AP3S1: variants seen among roughly 807,000 people sequenced by gnomAD.
AP3S1 encodes the protein adaptor related protein complex 3 subunit sigma 1.
AP3S1 carries 12 observed loss-of-function variants against 21.3 expected under a neutral mutation model. That is an observed-to-expected ratio of 0.56 (90% CI 0.36 to 0.91). The LOEUF is 0.91. Among genes scored for constraint, AP3S1 ranks in the 40% least tolerant of loss-of-function variants. AP3S1 has a pLI of 0.01. For synonymous variants in AP3S1, 48 were observed against 78.4 expected, an observed-to-expected ratio of 0.61 and a Z score of 2.05; for missense variants, 116 against 225.0, an observed-to-expected ratio of 0.52 and a Z score of 3.10.
chr5:115,886,938 A>G (rs190343467), intron 3 of AP3S1, among the ~76,000 whole-genome samples: 102 of 152,326 alleles, frequency 6.7e-4, no homozygotes, highest in African/African-American at 2.2e-3. Context: ...TGTTTTTGCT[A>G]ACATTGTCAT....
chr5:115,865,873 A>C (rs1272859812), intron 1 of AP3S1, among the ~76,000 whole-genome samples: 1 of 152,148 alleles, frequency 6.6e-6, no homozygotes. Flanking sequence ...ATCTCAGCTC[A>C]CTGTAATCTC....
chr5:115,892,455 T>C (rs547857738), intron 3 of AP3S1, among the ~76,000 whole-genome samples: 1 of 152,328 alleles, frequency 6.6e-6, no homozygotes, highest in East Asian at 1.9e-4. Context: ...GTGGTACATA[T>C]ACACAATGGA....
chr5:115,854,941 C>T (rs1013709223), intron 1 of AP3S1, among the ~76,000 whole-genome samples: 14 of 152,018 alleles, frequency 9.2e-5, no homozygotes, highest in East Asian at 1.9e-4. Flanking sequence ...TGTCAGAAAT[C>T]GCCCTCTACC....
intron 5 of AP3S1, 49 bp downstream of exon 5, chr5:115,903,041 G>A: frequency 7.8e-7 from 1 of 1,281,774 alleles, no homozygotes. Context: ...CATGATGACA[G>A]ATTACGCATG....
At chr5:115,879,892 G>T (rs536473620) in intron 3 of AP3S1, among the ~76,000 whole-genome samples, 1 of 152,092 alleles carries the variant, frequency 6.6e-6, no homozygotes, top group Admixed American at 6.5e-5. Flanking sequence ...ACTTGTTATT[G>T]GTCTGGTTCA....
intron 2 of AP3S1, among the ~76,000 whole-genome samples, chr5:115,869,453 A>G (rs1748024763): frequency 6.6e-6 from 1 of 152,138 alleles, no homozygotes; most frequent in South Asian, 2.1e-4. Flanking sequence ...TGACTTTATC[A>G]TTTACTAATC....
chr5:115,887,479 A>C (rs563158402), intron 3 of AP3S1, among the ~76,000 whole-genome samples: 1 of 152,138 alleles, frequency 6.6e-6, no homozygotes, highest in Admixed American at 6.5e-5. Context: ...AGAAACTCAA[A>C]AAGGGGTCTG....
intron 3 of AP3S1, among the ~76,000 whole-genome samples, chr5:115,882,003 C>T (rs1259731249): frequency 6.6e-6 from 1 of 151,634 alleles, no homozygotes; most frequent in Non-Finnish European, 1.5e-5. Context: ...GCTATTGATA[C>T]TGTGTGTGCT....
chr5:115,866,742 A>G lies in AP3S1; in HGVS notation c.142A>G (p.Asn48Asp). 1 of 1,600,960 alleles carries G rather than the reference A, an allele frequency of 6.2e-7. No homozygotes were observed. The highest frequency in any genetic ancestry group is 8.5e-7 in the Non-Finnish European group (1 of 1,171,354). Residue 48 changes from asparagine (N) to aspartate (D), a missense_variant, in exon 2 of 6, where the codon AAT becomes GAT. By Grantham distance (23) the Asn-to-Asp change is conservative. Transcript: ENST00000316788. ...ATCTAAGAGAGATGAAAATGTTTGT[A>G]ATTTCCTAGAAGGAGGATTGTAAGT... is the stretch of plus-strand genomic sequence containing the variant. ...LVSKRDENVC[N>D]FLEGGLLIGG...
intron 3 of AP3S1, among the ~76,000 whole-genome samples, chr5:115,876,747 G>A (rs1312543380): frequency 6.6e-6 from 1 of 152,008 alleles, no homozygotes; most frequent in Non-Finnish European, 1.5e-5. Flanking sequence ...CTTTTGATGA[G>A]TACTAGCCAG....
At chr5:115,871,617 T>C (rs1361886124) in intron 3 of AP3S1, among the ~76,000 whole-genome samples, 1 of 152,120 alleles carries the variant, frequency 6.6e-6, no homozygotes, top group African/African-American at 2.4e-5. Context: ...TTCATAATCA[T>C]GGTAGTGATA....
At chr5:115,851,513 A>G (rs971406993) in intron 1 of AP3S1, among the ~76,000 whole-genome samples, 2 of 151,984 alleles carry the variant, frequency 1.3e-5, no homozygotes, top group African/African-American at 4.8e-5. Context: ...TAGCCATCTT[A>G]ATGTTTATGA....
At chr5:115,872,390 G>A (rs1230263295) in intron 3 of AP3S1, among the ~76,000 whole-genome samples, 2 of 152,124 alleles carry the variant, frequency 1.3e-5, no homozygotes, top group African/African-American at 4.8e-5. Flanking sequence ...CTTAAACTGG[G>A]TTTTTGGGAG....
chr5:115,869,998 C>G lies in AP3S1; in HGVS notation c.162-19C>G. The G allele has an allele frequency of 8.5e-7, 1 of 1,177,892 alleles. No individual in the cohort carries two copies. The highest frequency in any genetic ancestry group is 1.4e-5 in the South Asian group (1 of 70,226). The allele number at this position is 1,177,892 out of a possible 1,614,324, so 73.0% of individuals were successfully genotyped here. The stretch of plus-strand genomic sequence containing the variant: ...TCGCATTTTGTTTCCAATAACATTA[C>G]AATTTTTTTGTCATTTAGATTAATT... On this transcript the variant is annotated intron_variant, in intron 2 of 5. Coordinates refer to ENST00000316788, the MANE Select transcript of AP3S1 (RefSeq NM_001284.4).
intron 1 of AP3S1, among the ~76,000 whole-genome samples, chr5:115,860,160 G>A (rs984040243): frequency 6.6e-6 from 1 of 152,146 alleles, no homozygotes; most frequent in Admixed American, 6.5e-5. Flanking sequence ...CATAGCCAGC[G>A]GCATAGCAGT....
At chr5:115,905,892 C>T (rs1751606842) in intron 5 of AP3S1, among the ~76,000 whole-genome samples, 1 of 152,218 alleles carries the variant, frequency 6.6e-6, no homozygotes, top group Admixed American at 6.5e-5. Context: ...CAGTGGCTCA[C>T]GCCTGTAATC....
intron 3 of AP3S1, among the ~76,000 whole-genome samples, chr5:115,887,395 A>C (rs974958540): frequency 1.3e-5 from 2 of 151,898 alleles, no homozygotes; most frequent in African/African-American, 4.8e-5. Context: ...TTGTAGATTC[A>C]AAACAGCAGG....
At chr5:115,878,238 C>T (rs1052119660) in intron 3 of AP3S1, among the ~76,000 whole-genome samples, 1 of 152,144 alleles carries the variant, frequency 6.6e-6, no homozygotes, top group African/African-American at 2.4e-5. Context: ...GCTTTTGTTG[C>T]AATTGCTTTT....
chr5:115,889,317 G>A (rs1444036141), intron 3 of AP3S1, among the ~76,000 whole-genome samples: 2 of 152,046 alleles, frequency 1.3e-5, no homozygotes, highest in Non-Finnish European at 2.9e-5. Context: ...AAAAATAAAG[G>A]CATACTGGAA....
Sources: gnomAD v4.1 joint callset for allele counts (sites outside exome capture counted in the v4.1 genomes callset) on GRCh38, gnomAD v4.1.1 for gene constraint, MANE v1.5 for transcripts, NCBI Gene and HGNC (gene_info 2026-07-23, HGNC 2026-07-21) for gene names.